Variants in ZNF536 observed in about 807,000 individuals in gnomAD.
ZNF536 encodes the protein zinc finger protein 536.
In ZNF536, 13 loss-of-function variants were observed where a neutral mutation model predicts 84.5. The observed-to-expected ratio is 0.15, with a 90% CI of 0.10 to 0.24. The LOEUF is 0.24. Among genes scored for constraint, ZNF536 ranks in the 10% least tolerant of loss-of-function variants. ZNF536 has a pLI of 1.00. For missense variants in ZNF536, 1,536 were observed against 1,747.5 expected (o/e 0.88, Z 2.16); for synonymous variants, 811 against 742.5 (o/e 1.09, Z -1.50).
intron 2 of ZNF536, among the ~76,000 whole-genome samples, chr19:30,499,308 T>C (rs549098624): frequency 6.6e-5 from 10 of 152,312 alleles, no homozygotes; most frequent in African/African-American, 2.4e-4. Context: ...TATGTATCTA[T>C]GTGTGTAAGT....
At chr19:30,347,724 C>T in intron 2 of ZNF536, among the ~76,000 whole-genome samples, 1 of 152,172 alleles carries the variant, frequency 6.6e-6, no homozygotes, top group East Asian at 1.9e-4. Flanking sequence ...CAGAAACACC[C>T]AGAACGAATC....
intron 2 of ZNF536, among the ~76,000 whole-genome samples, chr19:30,482,908 C>A (rs538665471): frequency 1.3e-5 from 2 of 152,144 alleles, no homozygotes; most frequent in African/African-American, 4.8e-5. Context: ...ATCTCCATAG[C>A]GCCCTCCTCT....
intron 2 of ZNF536, among the ~76,000 whole-genome samples, chr19:30,302,931 CT>C (rs2046232383): frequency 6.6e-6 from 1 of 152,202 alleles, no homozygotes; most frequent in East Asian, 1.9e-4. Context: ...TTTTTACCCC[CT>C]GCTGAACTAT....
intron 1 of ZNF536, among the ~76,000 whole-genome samples, chr19:30,398,901 G>A (rs2049933351): frequency 6.6e-6 from 1 of 152,116 alleles, no homozygotes; most frequent in Non-Finnish European, 1.5e-5. Flanking sequence ...CTTTATAGTA[G>A]AATGATTTAT....
intron 2 of ZNF536, among the ~76,000 whole-genome samples, chr19:30,305,817 C>T (rs2046325603): frequency 6.6e-6 from 1 of 152,196 alleles, no homozygotes; most frequent in Non-Finnish European, 1.5e-5. Context: ...ACTGGCTGGG[C>T]TTCGGCAGGA....
rs532061747 is a variant in ZNF536, at chr19:30,519,011, C to A, written c.2171-15836C>A. On this transcript the variant is annotated intron_variant, in intron 2 of 4. Coordinates refer to ENST00000355537, the MANE Select transcript of ZNF536 (RefSeq NM_014717.3). ...GCAGAGCATCCGTGTGGCGGGATGCCCCCAAGAACATACATCTGGGCGGAC... is the reference window on the plus strand; with the variant it reads ...GCAGAGCATCCGTGTGGCGGGATGCACCCAAGAACATACATCTGGGCGGAC... 3.6e-3 allele frequency among the ~76,000 whole-genome samples: 555 copies of A among 152,280 alleles called. 1 individual carries two copies. The highest frequency in any genetic ancestry group is 3.9e-3 in the Non-Finnish European group (266 of 68,022).
At position 30,444,894 on chromosome 19, in the gene ZNF536, C is replaced by G. The variant is rs2148202784; in HGVS notation, c.1332C>G (p.Ala444=). ...LQSGFMTPDK[A]GLSEPSQLYG... is the part of the protein sequence containing the mutation. ...GTGGCTTCATGACCCCGGACAAAGC[C>G]GGCCTGAGCGAGCCCAGCCAGCTCT... Residue 444 remains alanine (A), a synonymous_variant, in exon 2 of 5, where the codon GCC becomes GCG. Coordinates refer to ENST00000355537, the MANE Select transcript of ZNF536 (RefSeq NM_014717.3). The G allele has an allele frequency of 1.9e-6, 3 of 1,611,416 alleles. No individual in the cohort carries two copies. The highest frequency in any genetic ancestry group is 2.5e-6 in the Non-Finnish European group (3 of 1,178,910).
At chr19:30,246,944 A>G (rs771362687) in intron 1 of ZNF536, among the ~76,000 whole-genome samples, 8 of 152,234 alleles carry the variant, frequency 5.3e-5, no homozygotes, top group Non-Finnish European at 1.2e-4. Context: ...TCCTTGATGT[A>G]GAAACTAAGA....
chr19:30,371,590 C>T (rs1416848219), upstream of ZNF536, among the ~76,000 whole-genome samples: 15 of 148,592 alleles, frequency 1.0e-4, no homozygotes, highest in African/African-American at 3.5e-4. Context: ...TTTCTCTCCC[C>T]TCAATGCCAC....
chr19:30,639,226 T>G (rs954452761), intron 1 of ZNF536, among the ~76,000 whole-genome samples: 1 of 152,252 alleles, frequency 6.6e-6, no homozygotes, highest in Non-Finnish European at 1.5e-5. Context: ...GAATGTAATG[T>G]GAACCACCCA....
intron 1 of ZNF536, among the ~76,000 whole-genome samples, chr19:30,647,350 C>T (rs563074268): frequency 6.6e-6 from 1 of 152,308 alleles, no homozygotes; most frequent in Non-Finnish European, 1.5e-5. Flanking sequence ...TGGTGCTTCT[C>T]CCGTTTCCCT....
At chr19:30,698,490 C>T (rs2147967393) in intron 1 of ZNF536, among the ~76,000 whole-genome samples, 1 of 152,268 alleles carries the variant, frequency 6.6e-6, no homozygotes, top group South Asian at 2.1e-4. Flanking sequence ...TGTTCTGCTC[C>T]AGGATACCAT....
rs532494092 is a variant in ZNF536, at chr19:30,519,964, C to T, written c.2171-14883C>T. On this transcript the variant is annotated intron_variant, in intron 2 of 4. Coordinates refer to ENST00000355537, the MANE Select transcript of ZNF536 (RefSeq NM_014717.3). ...TTAAATTCTGGGATGATTGGGCAGA[C>T]CTGACTTAGTCTGGAAGATGAGAGC... Among the ~76,000 whole-genome samples, 43 of 152,338 alleles carry T rather than the reference C, an allele frequency of 2.8e-4. 1 individual carries two copies. In the South Asian group the frequency reaches 8.5e-3, roughly 30 times the overall value.
At chr19:30,326,809 T>G (rs1185452948) in intron 2 of ZNF536, among the ~76,000 whole-genome samples, 3 of 136,358 alleles carry the variant, frequency 2.2e-5, no homozygotes, top group African/African-American at 5.5e-5. Flanking sequence ...TTTTTTTTTT[T>G]TTTTTTTTTG....
intron 2 of ZNF536, among the ~76,000 whole-genome samples, chr19:30,335,229 G>A (rs1336155011): frequency 6.6e-6 from 1 of 152,198 alleles, no homozygotes; most frequent in Non-Finnish European, 1.5e-5. Flanking sequence ...CCTATGAACA[G>A]TGTGACCTTG....
At chr19:30,416,915 AC>A (rs1213917639) in intron 1 of ZNF536, among the ~76,000 whole-genome samples, 1 of 151,916 alleles carries the variant, frequency 6.6e-6, no homozygotes, top group Admixed American at 6.6e-5. Context: ...TTCTTTCCCC[AC>A]AGTGTATTTG....
At chr19:30,285,921 C>T (rs954510922) in intron 2 of ZNF536, among the ~76,000 whole-genome samples, 6 of 152,204 alleles carry the variant, frequency 3.9e-5, no homozygotes, top group Non-Finnish European at 5.9e-5. Context: ...TATAGGAAAA[C>T]GAGCAGATAT....
At chr19:30,243,328 A>G (rs1394936473) in intron 1 of ZNF536, among the ~76,000 whole-genome samples, 1 of 152,204 alleles carries the variant, frequency 6.6e-6, no homozygotes, top group East Asian at 1.9e-4. Flanking sequence ...TAAATTTAAA[A>G]CATTAGTTAG....
At chr19:30,679,370 G>A (rs548504003) in intron 1 of ZNF536, among the ~76,000 whole-genome samples, 2 of 152,346 alleles carry the variant, frequency 1.3e-5, no homozygotes, top group East Asian at 1.9e-4. Context: ...AAGGAGACGC[G>A]GCAGCTGAGT....
Sources: allele counts gnomAD v4.1 joint callset (sites outside exome capture counted in the v4.1 genomes callset), GRCh38; gene constraint gnomAD v4.1.1; transcripts MANE v1.5; gene names NCBI Gene and HGNC (gene_info 2026-07-23, HGNC 2026-07-21).